Variants in GRID2 observed in about 807,000 individuals in gnomAD.
The protein encoded by GRID2 is glutamate ionotropic receptor delta type subunit 2, also known as glutamate receptor ionotropic, delta-2.
Under a neutral mutation model 114.8 loss-of-function variants are expected in GRID2, and 33 were observed. The ratio of observed to expected loss-of-function variants is 0.29; its 90% confidence interval spans 0.22 to 0.38. The LOEUF (loss-of-function observed/expected upper bound fraction) is 0.38, where lower values mean the gene tolerates loss of function less well. Ranked by LOEUF, GRID2 falls within the 10% of genes least tolerant of loss-of-function variation. The probability of loss-of-function intolerance (pLI) is 1.00; values close to 1 mark genes in which losing one functional copy is unlikely to be tolerated. For missense variants in GRID2, 1,184 were observed against 1,257.7 expected (o/e 0.94, Z 0.89); for synonymous variants, 505 against 449.9 (o/e 1.12, Z -1.55).
chr4:92,817,377 T>G (rs1740984284), intron 2 of GRID2, among the ~76,000 whole-genome samples: 2 of 152,150 alleles, frequency 1.3e-5, no homozygotes, highest in African/African-American at 4.8e-5. Flanking sequence ...TCCATACACC[T>G]TACTCCTATT....
chr4:93,804,690 T>C (rs1245840630), intron 1 of GRID2, among the ~76,000 whole-genome samples: 1 of 152,210 alleles, frequency 6.6e-6, no homozygotes, highest in Non-Finnish European at 1.5e-5. Context: ...TTAATGATTC[T>C]AATACAGCAG....
At chr4:92,399,992 A>T (rs566131605) in intron 1 of GRID2, among the ~76,000 whole-genome samples, 7 of 152,184 alleles carry the variant, frequency 4.6e-5, no homozygotes, top group Non-Finnish European at 5.9e-5. Context: ...ACTATTTCAT[A>T]GTAGTGGAAA....
At chr4:92,740,189 G>A (rs916341541) in intron 2 of GRID2, among the ~76,000 whole-genome samples, 3 of 152,158 alleles carry the variant, frequency 2.0e-5, no homozygotes, top group African/African-American at 7.2e-5. Context: ...GCCAGCTCAA[G>A]TAAAAAGAGG....
At chr4:92,499,937 A>G (rs1723589171) in intron 1 of GRID2, among the ~76,000 whole-genome samples, 1 of 152,184 alleles carries the variant, frequency 6.6e-6, no homozygotes, top group Non-Finnish European at 1.5e-5. Flanking sequence ...TATACATCCA[A>G]ATTTCTTTCT....
At chr4:92,397,746 A>T (rs768556630) in intron 1 of GRID2, among the ~76,000 whole-genome samples, 36 of 152,114 alleles carry the variant, frequency 2.4e-4, no homozygotes, top group Non-Finnish European at 4.6e-4. Flanking sequence ...GCAACCCAAA[A>T]TACAGTAATG....
chr4:93,134,567 A>G (rs1467593798), intron 4 of GRID2, among the ~76,000 whole-genome samples: 1 of 152,138 alleles, frequency 6.6e-6, no homozygotes, highest in African/African-American at 2.4e-5. Context: ...TTTGAGTTTA[A>G]ATTGAATTTC....
At chr4:92,753,708 AG>A (rs1737567812) in intron 2 of GRID2, among the ~76,000 whole-genome samples, 1 of 152,300 alleles carries the variant, frequency 6.6e-6, no homozygotes, top group East Asian at 1.9e-4. Flanking sequence ...GCTGGAAACC[AG>A]GACCTCTAAA....
Position 93,084,761 on chromosome 4 carries a change from G to C in GRID2, c.245-234G>C, listed in dbSNP as rs183116010. 1.2e-4 allele frequency among the ~76,000 whole-genome samples: 19 copies of C among 152,250 alleles called. No homozygotes were observed. In the East Asian group the frequency reaches 3.5e-3, roughly 28 times the overall value. On this transcript the variant is annotated intron_variant, in intron 2 of 15. Transcript: ENST00000282020. The stretch of plus-strand genomic sequence containing the variant: ...TACCCTCTTTACAGATGATGAAACC[G>C]AGCCAAGAGAAGCCAAGTGATTTGC...
At position 93,515,288 on chromosome 4, in the gene GRID2, T is replaced by C. The variant is rs778465291; in HGVS notation, c.2070T>C (p.His690=). 2.5e-6 allele frequency: 4 copies of C among 1,609,076 alleles called. No homozygotes were observed. In the Admixed American group the frequency reaches 5.0e-5, roughly 20 times the overall value. ...GTVLDSAVYE[H]VRMKGLNPFE... ...TCCTAGACTCTGCGGTATATGAGCA[T>C]GTCCGCATGAAAGGACTGAATCCTT... The change falls in exon 13 of 16, where the codon CAT becomes CAC. Residue 690 remains histidine (H), a synonymous_variant. Coordinates refer to ENST00000282020, the MANE Select transcript of GRID2 (RefSeq NM_001510.4).
chr4:93,113,539 T>C (rs1226749819), intron 4 of GRID2, among the ~76,000 whole-genome samples: 2 of 152,224 alleles, frequency 1.3e-5, no homozygotes, highest in Non-Finnish European at 1.5e-5. Context: ...TCACTGGTTT[T>C]CCAGTTCATC....
At position 93,282,260 on chromosome 4, in the gene GRID2, G is replaced by A. The variant is rs373459156; in HGVS notation, c.1245+43770G>A. Reference sequence around the variant, plus strand: ...CAGCAAAATGTTAACTTTTGTGTAAGTCTTATCTCAGGTAGTAAAAACAAT... The same window carrying A: ...CAGCAAAATGTTAACTTTTGTGTAAATCTTATCTCAGGTAGTAAAAACAAT... On this transcript the variant is annotated intron_variant, in intron 8 of 15. Transcript: ENST00000282020. 4.2e-5 allele frequency: 13 copies of A among 310,824 alleles called. 1 individual carries two copies. The highest frequency in any genetic ancestry group is 2.5e-4 in the South Asian group (9 of 36,552). The allele number at this position is 310,824 out of a possible 1,614,324, so 19.3% of individuals were successfully genotyped here.
chr4:93,324,242 G>C (rs534624001), intron 8 of GRID2, among the ~76,000 whole-genome samples: 1 of 152,210 alleles, frequency 6.6e-6, no homozygotes, highest in African/African-American at 2.4e-5. Context: ...AGTTTATTGA[G>C]AGTTTTTAGC....
chr4:93,743,355 A>G (rs1731573774), intron 14 of GRID2, among the ~76,000 whole-genome samples: 1 of 152,256 alleles, frequency 6.6e-6, no homozygotes, highest in Admixed American at 6.5e-5. Flanking sequence ...AGTTCTCTAG[A>G]AATTCTAGCC....
chr4:93,265,517 A>C (rs1427147123), intron 8 of GRID2, among the ~76,000 whole-genome samples: 1 of 152,116 alleles, frequency 6.6e-6, no homozygotes, highest in African/African-American at 2.4e-5. Flanking sequence ...AATAAAACCA[A>C]CTTTCCCATA....
chr4:93,545,199 C>T (rs150801526), intron 13 of GRID2, among the ~76,000 whole-genome samples: 1 of 152,086 alleles, frequency 6.6e-6, no homozygotes, highest in African/African-American at 2.4e-5. Flanking sequence ...TAACAAAGAA[C>T]TAGAAAAAAT....
chr4:92,599,419 C>T (rs1729097863), intron 2 of GRID2, among the ~76,000 whole-genome samples: 1 of 152,156 alleles, frequency 6.6e-6, no homozygotes, highest in Admixed American at 6.5e-5. Flanking sequence ...GATGGATCAT[C>T]TCTGGCAAAT....
At chr4:92,722,456 C>A (rs116165841) in intron 2 of GRID2, among the ~76,000 whole-genome samples, 1 of 151,920 alleles carries the variant, frequency 6.6e-6, no homozygotes, top group Admixed American at 6.6e-5. Context: ...AAAAGGGGAA[C>A]GGGTGGGGTG....
intron 13 of GRID2, among the ~76,000 whole-genome samples, chr4:93,541,723 A>G (rs1391342343): frequency 1.3e-5 from 2 of 152,194 alleles, no homozygotes; most frequent in Non-Finnish European, 2.9e-5. Context: ...GTTGCTCTAT[A>G]CAATGTGACA....
chr4:93,686,628 A>G (rs1376624670), intron 14 of GRID2, among the ~76,000 whole-genome samples: 2 of 151,992 alleles, frequency 1.3e-5, no homozygotes, highest in African/African-American at 4.8e-5. Flanking sequence ...CAATTTTAAA[A>G]CGGACAGTTA....
Sources: allele counts gnomAD v4.1 joint callset (sites outside exome capture counted in the v4.1 genomes callset), GRCh38; gene constraint gnomAD v4.1.1; transcripts MANE v1.5; gene names NCBI Gene and HGNC (gene_info 2026-07-23, HGNC 2026-07-21).